The following SLC25A17 variants were observed in gnomAD, a reference collection of about 807,000 sequenced individuals.
SLC25A17 encodes solute carrier family 25 member 17.
In SLC25A17, 26 loss-of-function variants were observed where a neutral mutation model predicts 38.5. That is an observed-to-expected ratio of 0.68 (90% CI 0.50 to 0.94). SLC25A17 has a LOEUF of 0.94. Among genes scored for constraint, SLC25A17 ranks in the 40% least tolerant of loss-of-function variants. The pLI, the probability that SLC25A17 is intolerant of heterozygous loss-of-function variation, is 0.00. For synonymous variants in SLC25A17, 139 were observed against 136.2 expected (o/e 1.02, Z -0.14); for missense variants, 333 against 372.7 (o/e 0.89, Z 0.88).
intron 1 of SLC25A17, among the ~76,000 whole-genome samples, chr22:40,811,259 GT>G (rs138316): frequency 5.5e-5 from 8 of 145,778 alleles, no homozygotes; most frequent in African/African-American, 7.6e-5. Flanking sequence ...TTTAATTTTT[GT>G]TTTTTTTTTT....
In SLC25A17 at chr22:40,770,157, G is replaced by T. The variant is rs953217427; in HGVS notation, c.*677C>A. On this transcript the variant is annotated 3_prime_UTR_variant, in exon 9 of 9. Coordinates refer to ENST00000435456, the MANE Select transcript of SLC25A17 (RefSeq NM_006358.4). Reference sequence around the variant, plus strand: ...ATGGACACAAAACTTCAAGTCTTTCGTAATGAAAGGATTGATTCAAAATAA... The same window carrying T: ...ATGGACACAAAACTTCAAGTCTTTCTTAATGAAAGGATTGATTCAAAATAA... The T allele has an allele frequency of 1.3e-5, 2 of 152,136 alleles. No individual in the cohort carries two copies. 9.4% of individuals were successfully genotyped at this position (152,136 alleles called of 1,614,324 possible). A position where few individuals can be genotyped will look rare whatever the true frequency, so the allele number is the denominator to read the frequency against.
At chr22:40,810,220 G>T (rs561706270) in intron 1 of SLC25A17, among the ~76,000 whole-genome samples, 1 of 152,136 alleles carries the variant, frequency 6.6e-6, no homozygotes, top group South Asian at 2.1e-4. Context: ...TATACTGGTG[G>T]TCCCTATCTT....
At chr22:40,801,128 CATATATATATATATAT>C (rs60780380) in intron 1 of SLC25A17, among the ~76,000 whole-genome samples, 166 of 101,204 alleles carry the variant, frequency 1.6e-3, no homozygotes, top group African/African-American at 3.7e-3. Flanking sequence ...AAATATATTA[CATATATATATATATAT>C]ATATATATAT....
At chr22:40,792,485 G>C (rs1229997698) in intron 4 of SLC25A17, 40 bp downstream of exon 4, 4 of 1,529,950 alleles carry the variant, frequency 2.6e-6, no homozygotes, top group Non-Finnish European at 3.5e-6. Flanking sequence ...AAACCACAAG[G>C]TAAATATAAA....
At chr22:40,798,795 C>T (rs966803159) in intron 2 of SLC25A17, among the ~76,000 whole-genome samples, 9 of 151,372 alleles carry the variant, frequency 5.9e-5, no homozygotes, top group African/African-American at 1.2e-4. Flanking sequence ...GGTGAAACAC[C>T]GTCTGTACTA....
Position 40,815,349 on chromosome 22 carries a change from T to C in SLC25A17, c.54+3846A>G, listed in dbSNP as rs143575382. On this transcript the variant is annotated intron_variant, in intron 1 of 8. Transcript: ENST00000435456. ...CATGGGCTGGAGGGGAGGACAAAGATTGAAGGTAGCAGACACTGAATATGT... is the reference window on the plus strand; with the variant it reads ...CATGGGCTGGAGGGGAGGACAAAGACTGAAGGTAGCAGACACTGAATATGT... Among the ~76,000 whole-genome samples the C allele has an allele frequency of 7.2e-5, 11 of 152,198 alleles. No individual in the cohort carries two copies. The East Asian group carries it at 1.9e-3, about 27-fold the overall frequency.
At chr22:40,777,465 AC>A (rs1386367446) in intron 5 of SLC25A17, 92 bp from the exon 6 acceptor site, 6 of 1,351,568 alleles carry the variant, frequency 4.4e-6, no homozygotes, top group Non-Finnish European at 6.1e-6. Flanking sequence ...TACCCAGAAC[AC>A]AAACCATACT....
intron 1 of SLC25A17, among the ~76,000 whole-genome samples, chr22:40,799,325 T>TG (rs1261250943): frequency 6.6e-6 from 1 of 151,532 alleles, no homozygotes; most frequent in African/African-American, 2.4e-5. Context: ...TCTGTAAAGA[T>TG]GGGGGTCTCA....
At chr22:40,787,467 C>G (rs138297) in intron 4 of SLC25A17, among the ~76,000 whole-genome samples, 99,553 of 151,998 alleles carry the variant, frequency 0.65, 33,060 homozygotes, top group Admixed American at 0.74. Context: ...TACAAGGGCT[C>G]AGCGTGCTGT....
At chr22:40,775,033 TC>T (rs1296566605) in intron 7 of SLC25A17, among the ~76,000 whole-genome samples, 4 of 152,158 alleles carry the variant, frequency 2.6e-5, no homozygotes, top group African/African-American at 9.7e-5. Flanking sequence ...CCCCTGGCTT[TC>T]TCTCTTAGCT....
chr22:40,810,846 C>T (rs923014045), intron 1 of SLC25A17, among the ~76,000 whole-genome samples: 1 of 152,128 alleles, frequency 6.6e-6, no homozygotes. Context: ...ATACTGATAT[C>T]TTATTAATCA....
rs1419954804 is a variant in SLC25A17 at position 40,793,276 on chromosome 22, T to C, written c.183-600A>G. Among the ~76,000 whole-genome samples, 5 of 152,206 alleles carry C rather than the reference T, an allele frequency of 3.3e-5. No individual in the cohort carries two copies. In the East Asian group the frequency reaches 9.6e-4, roughly 29 times the overall value. On this transcript the variant is annotated intron_variant, in intron 3 of 8. Coordinates refer to ENST00000435456, the MANE Select transcript of SLC25A17 (RefSeq NM_006358.4). ...AGCAGAATGCCAACATTGGTACCTG[T>C]AGAGGCAATGCTGGAGTTGGAAAGT...
chr22:40,779,506 A>G (rs1247739352), intron 4 of SLC25A17: 1 of 432,858 alleles, frequency 2.3e-6, no homozygotes, highest in Non-Finnish European at 4.1e-6. Flanking sequence ...TGCTAAGTCC[A>G]TGACAATATC....
In SLC25A17 at chr22:40,777,161, A is replaced by G. The variant is rs778723897; in HGVS notation, c.598-26T>C. 4.3e-6 allele frequency: 7 copies of G among 1,613,920 alleles called. No homozygotes were observed. The South Asian group carries it at 7.7e-5, about 18-fold the overall frequency. On this transcript the variant is annotated intron_variant, in intron 6 of 8. Transcript: ENST00000435456. ...CTGGAAAGCAAAGGAAGAACAAACCATATCAATCAAGTCAACAAGAAGGTG... is the reference window on the plus strand; with the variant it reads ...CTGGAAAGCAAAGGAAGAACAAACCGTATCAATCAAGTCAACAAGAAGGTG...
intron 1 of SLC25A17, among the ~76,000 whole-genome samples, chr22:40,807,724 G>A (rs992146757): frequency 2.6e-5 from 4 of 152,042 alleles, no homozygotes; most frequent in African/African-American, 9.7e-5. Flanking sequence ...ACTCCAGACT[G>A]GGTGACAGAG....
intron 7 of SLC25A17, among the ~76,000 whole-genome samples, chr22:40,774,490 C>A (rs545227006): frequency 6.6e-6 from 1 of 152,308 alleles, no homozygotes; most frequent in East Asian, 1.9e-4. Context: ...TCCCGAAGTT[C>A]TGGGATTACA....
At chr22:40,808,926 A>C (rs1452759517) in intron 1 of SLC25A17, among the ~76,000 whole-genome samples, 1 of 152,212 alleles carries the variant, frequency 6.6e-6, no homozygotes, top group African/African-American at 2.4e-5. Context: ...GCTATGCATA[A>C]ATGTGTGATA....
intron 2 of SLC25A17, among the ~76,000 whole-genome samples, chr22:40,796,301 TAC>T (rs2057428755): frequency 6.6e-6 from 1 of 152,158 alleles, no homozygotes; most frequent in Non-Finnish European, 1.5e-5. Flanking sequence ...TTAAAATTGG[TAC>T]CAGTATGGCT....
At position 40,770,738 on chromosome 22, in the gene SLC25A17, G is replaced by C; in HGVS notation, c.*96C>G. ...TCAAGCCAATGAGGGTAACATTTGT[G>C]GTGGCAGGAGCCAGAGTCAAGGGAG... On this transcript the variant is annotated 3_prime_UTR_variant, in exon 9 of 9. Transcript: ENST00000435456. The C allele has an allele frequency of 7.6e-7, 1 of 1,316,408 alleles. No individual in the cohort carries two copies. Among genetic ancestry groups the C allele is most frequent in the Non-Finnish European group, 1.0e-6 (1 of 969,692 alleles). The allele number at this position is 1,316,408 out of a possible 1,614,324, so 81.5% of individuals were successfully genotyped here. A position where few individuals can be genotyped will look rare whatever the true frequency, so the allele number is the denominator to read the frequency against.
Sources: allele counts gnomAD v4.1 joint callset (sites outside exome capture counted in the v4.1 genomes callset), GRCh38; gene constraint gnomAD v4.1.1; transcripts MANE v1.5; gene names NCBI Gene and HGNC (gene_info 2026-07-23, HGNC 2026-07-21).